The following SEZ6 variants were observed in gnomAD, a reference collection of about 807,000 sequenced individuals.
SEZ6 encodes the protein seizure protein 6 homolog.
In SEZ6, 53 loss-of-function variants were observed where a neutral mutation model predicts 101.0. That is an observed-to-expected ratio of 0.52 (90% confidence interval 0.42 to 0.66). The LOEUF (loss-of-function observed/expected upper bound fraction) is 0.66. SEZ6 is among the 30% of genes least tolerant of loss of function. The probability of loss-of-function intolerance (pLI) is 0.00; values close to 1 mark genes in which losing one functional copy is unlikely to be tolerated. For synonymous variants in SEZ6, 488 were observed against 512.2 expected (o/e 0.95, Z 0.64); for missense variants, 1,102 against 1,289.4 (o/e 0.85, Z 2.23).
At chr17:28,970,907 A>G (rs542983836) in intron 3 of SEZ6, among the ~76,000 whole-genome samples, 1 of 152,252 alleles carries the variant, frequency 6.6e-6, no homozygotes, top group East Asian at 1.9e-4. Flanking sequence ...GCCCCTCCGC[A>G]TGTCAATCGT....
intron 1 of SEZ6, among the ~76,000 whole-genome samples, chr17:28,982,696 C>G (rs1254082291): frequency 6.6e-6 from 1 of 151,920 alleles, no homozygotes; most frequent in Non-Finnish European, 1.5e-5. Context: ...CTGTGTGGCC[C>G]GGGCTGCAAT....
chr17:29,000,960 G>A (rs1285271362), intron 1 of SEZ6, among the ~76,000 whole-genome samples: 1 of 152,116 alleles, frequency 6.6e-6, no homozygotes, highest in Non-Finnish European at 1.5e-5. Flanking sequence ...CACAAGCAGT[G>A]GTGGCACTAA....
intron 1 of SEZ6, among the ~76,000 whole-genome samples, chr17:28,997,646 A>G (rs943327500): frequency 4.6e-5 from 7 of 152,146 alleles, no homozygotes; most frequent in Non-Finnish European, 1.0e-4. Flanking sequence ...GGTGATGGAC[A>G]GTTCTGGCTG....
At chr17:28,979,923 G>T (rs2041275041) in intron 2 of SEZ6, 110 bp from the exon 3 acceptor site, 44 of 1,141,810 alleles carry the variant, frequency 3.9e-5, no homozygotes, top group Non-Finnish European at 4.9e-5. Flanking sequence ...GTGTGTGTGT[G>T]TGGTGAAGAC....
At chr17:28,979,925 G>GT in intron 2 of SEZ6, 112 bp from the exon 3 acceptor site, 31 of 1,078,926 alleles carry the variant, frequency 2.9e-5, no homozygotes, top group South Asian at 6.7e-5. Context: ...GTGTGTGTGT[G>GT]GTGAAGACCA....
At position 28,957,107 on chromosome 17, in the gene SEZ6, C is replaced by A; in HGVS notation, c.2630G>T (p.Ser877Ile). Residue 877 changes from serine to isoleucine, a missense_variant, in exon 13 of 17, where the codon AGC becomes ATC. Ser to Ile is a moderately radical substitution (Grantham distance 142). Transcript: ENST00000317338. ...GGGGTGCCCAGGCACACACTTGATGCTGGCCTGGCCCTTCAGCACATAGCC... is the reference window on the plus strand; with the variant it reads ...GGGGTGCCCAGGCACACACTTGATGATGGCCTGGCCCTTCAGCACATAGCC... The part of the protein sequence containing the change: ...APGYVLKGQA[S>I]IKCVPGHPSH... The A allele has an allele frequency of 6.2e-7, 1 of 1,613,240 alleles. No homozygotes were observed. Among genetic ancestry groups the A allele is most frequent in the Non-Finnish European group, 8.5e-7 (1 of 1,179,338 alleles).
At chr17:28,983,577 T>C (rs1052932908) in intron 1 of SEZ6, among the ~76,000 whole-genome samples, 2 of 152,022 alleles carry the variant, frequency 1.3e-5, no homozygotes, top group African/African-American at 4.8e-5. Context: ...TTCAACCACA[T>C]AGCTGGAGAG....
chr17:28,970,002 C>A (rs1178113162), intron 3 of SEZ6, 50 bp from the exon 4 acceptor site: 44 of 1,477,338 alleles, frequency 3.0e-5, no homozygotes, highest in Non-Finnish European at 3.9e-5. Context: ...CTTCTTCCTG[C>A]TGCCTGGATC....
intron 1 of SEZ6, among the ~76,000 whole-genome samples, chr17:29,001,736 T>C (rs150200372): frequency 1.0e-3 from 157 of 152,344 alleles, no homozygotes; most frequent in African/African-American, 3.7e-3. Flanking sequence ...CCTGTTGGAA[T>C]TGGTCTTGGA....
At chr17:29,004,428 G>A (rs546451738) in intron 1 of SEZ6, among the ~76,000 whole-genome samples, 4 of 152,192 alleles carry the variant, frequency 2.6e-5, no homozygotes, top group Non-Finnish European at 5.9e-5. Context: ...GTGAGCACAC[G>A]GTTTCAAGTT....
intron 11 of SEZ6, 40 bp downstream of exon 11, chr17:28,957,907 T>C: frequency 6.3e-7 from 1 of 1,588,474 alleles, no homozygotes; most frequent in Non-Finnish European, 8.6e-7. Context: ...GGTTTGGAGT[T>C]TGTGTTGGGA....
At chr17:28,998,906 GAT>G (rs2041578571) in intron 1 of SEZ6, among the ~76,000 whole-genome samples, 2 of 152,164 alleles carry the variant, frequency 1.3e-5, no homozygotes, top group African/African-American at 4.8e-5. Context: ...AGAGTAGCTG[GAT>G]CATATAGGTG....
intron 1 of SEZ6, among the ~76,000 whole-genome samples, chr17:28,995,716 A>G (rs1306352976): frequency 6.6e-6 from 1 of 152,044 alleles, no homozygotes; most frequent in Non-Finnish European, 1.5e-5. Flanking sequence ...GCCCTACCAT[A>G]CCTTCTCCCA....
intron 1 of SEZ6, among the ~76,000 whole-genome samples, chr17:29,002,948 C>T (rs2041634279): frequency 6.6e-6 from 1 of 152,102 alleles, no homozygotes; most frequent in East Asian, 1.9e-4. Flanking sequence ...TAGCCATCCC[C>T]AGGCCCCCTC....
At chr17:28,999,544 G>C (rs1257131761) in intron 1 of SEZ6, among the ~76,000 whole-genome samples, 1 of 152,188 alleles carries the variant, frequency 6.6e-6, no homozygotes, top group Non-Finnish European at 1.5e-5. Context: ...GAAGCCGCAG[G>C]TTTGTTTGCT....
intron 1 of SEZ6, among the ~76,000 whole-genome samples, chr17:28,998,776 C>T (rs1391345734): frequency 6.6e-6 from 1 of 152,074 alleles, no homozygotes; most frequent in African/African-American, 2.4e-5. Context: ...ATGGATTGGC[C>T]CAGGGACCCC....
chr17:28,994,115 A>G (rs1179878123), intron 1 of SEZ6, among the ~76,000 whole-genome samples: 1 of 152,176 alleles, frequency 6.6e-6, no homozygotes, highest in African/African-American at 2.4e-5. Flanking sequence ...AGTCCCTAGC[A>G]TGTCTGTTCT....
rs1214068893 is a variant in SEZ6 at position 28,956,387 on chromosome 17, C to T, written c.2812G>A (p.Val938Met). ...AAIFLPLVAM[V>M]LLVGGVYFYF... ...AAGTATACACCTCCTACCAACAACA[C>T]CATCGCCACCAGTGGCAAGAAGATG... Residue 938 changes from valine (V) to methionine (M), a missense_variant, in exon 15 of 17, where the codon GTG (valine) becomes ATG (methionine). Val to Met is a conservative substitution (Grantham distance 21). Transcript: ENST00000317338. 6.4e-7 allele frequency: 1 copy of T among 1,572,270 alleles called. No individual in the cohort carries two copies. The highest frequency in any genetic ancestry group is 1.2e-5 in the South Asian group (1 of 85,464).
At chr17:28,965,699 G>A (rs527538295) in intron 4 of SEZ6, among the ~76,000 whole-genome samples, 1 of 152,290 alleles carries the variant, frequency 6.6e-6, no homozygotes, top group South Asian at 2.1e-4. Context: ...GCAGTGCACT[G>A]CCTTCATGGA....
Sources: gnomAD v4.1 joint callset for allele counts (sites outside exome capture counted in the v4.1 genomes callset) on GRCh38, gnomAD v4.1.1 for gene constraint, MANE v1.5 for transcripts, NCBI Gene and HGNC (gene_info 2026-07-23, HGNC 2026-07-21) for gene names.